The following PRKCA variants were observed in gnomAD, a reference collection of about 807,000 sequenced individuals.
PRKCA encodes protein kinase C alpha type.
In PRKCA, 27 loss-of-function variants were observed where a neutral mutation model predicts 87.0. The observed-to-expected ratio is 0.31, with a 90% CI of 0.23 to 0.43. PRKCA has a LOEUF of 0.43. Among genes scored for constraint, PRKCA ranks in the 20% least tolerant of loss-of-function variants. The pLI is 1.00. For missense variants in PRKCA, 518 were observed against 852.3 expected (o/e 0.61, Z 4.88); for synonymous variants, 329 against 311.1 (o/e 1.06, Z -0.61).
chr17:66,588,635 C>CTTTTTTTTT lies in PRKCA; in HGVS notation c.289-52701_289-52693dup, dbSNP rs397856363. Among the ~76,000 whole-genome samples, 17 of 39,106 alleles carry CTTTTTTTTT rather than the reference C, an allele frequency of 4.3e-4. 1 individual carries two copies. The highest frequency in any genetic ancestry group is 7.0e-4 in the African/African-American group (6 of 8,546). 25.7% of individuals were successfully genotyped at this position (39,106 alleles called of 152,430 possible). A position where few individuals can be genotyped will look rare whatever the true frequency, so the allele number is the denominator to read the frequency against. ...CTTTCTGAGGTTTTATTTTGCTTTGCTTTTTTTTTTTTTTTTTTTTTTTTT... is the reference window on the plus strand; with the variant it reads ...CTTTCTGAGGTTTTATTTTGCTTTGCTTTTTTTTTTTTTTTTTTTTTTTTTTTTTTTTTT... On this transcript the variant is annotated intron_variant, in intron 3 of 16. Transcript: ENST00000413366.
At chr17:66,587,230 A>G (rs147017220) in intron 3 of PRKCA, among the ~76,000 whole-genome samples, 28 of 152,198 alleles carry the variant, frequency 1.8e-4, no homozygotes, top group African/African-American at 6.5e-4. Flanking sequence ...ATTTTAAGTT[A>G]TTTTTTGGGG....
At chr17:66,641,084 G>A (rs61762393) in intron 3 of PRKCA, 60,680 of 347,910 alleles carry the variant, frequency 0.17, 6,316 homozygotes, top group East Asian at 0.28. Context: ...TTTGAACCCA[G>A]GAGGCGGAGG....
intron 16 of PRKCA, among the ~76,000 whole-genome samples, chr17:66,798,507 TGAC>T (rs1211425615): frequency 2.5e-5 from 1 of 39,848 alleles, no homozygotes; most frequent in Non-Finnish European, 4.4e-5. Context: ...GTGGTGGTGG[TGAC>T]GGTGGTGACG....
intron 2 of PRKCA, among the ~76,000 whole-genome samples, chr17:66,428,826 T>C (rs1912953178): frequency 6.6e-6 from 1 of 152,174 alleles, no homozygotes; most frequent in Admixed American, 6.5e-5. Flanking sequence ...AGGAGAAGGC[T>C]GCTACTCCTT....
chr17:66,803,418 A>T lies in PRKCA; in HGVS notation c.1855-455A>T, dbSNP rs2144442132. Among the ~76,000 whole-genome samples, 1 of 152,268 alleles carries T rather than the reference A, an allele frequency of 6.6e-6. No individual in the cohort carries two copies. The highest frequency in any genetic ancestry group is 1.9e-4 in the East Asian group (1 of 5,174). On this transcript the variant is annotated intron_variant, in intron 16 of 16. Coordinates refer to ENST00000413366, the MANE Select transcript of PRKCA (RefSeq NM_002737.3). The surrounding 1 kb of genome is among the most constrained non-coding windows in gnomAD (Gnocchi z 4.4). ...ACACAGTTTTTACTTCACTACAAAT[A>T]TTGCGGCAAAAAAACAGATGTGGGG...
intron 8 of PRKCA, among the ~76,000 whole-genome samples, chr17:66,711,820 A>G (rs1205917193): frequency 6.6e-5 from 10 of 152,184 alleles, no homozygotes; most frequent in Non-Finnish European, 1.5e-4. Flanking sequence ...ATGTTTTTAG[A>G]GTTTCTCATC....
chr17:66,775,830 C>A (rs779832679), intron 14 of PRKCA: 1 of 921,262 alleles, frequency 1.1e-6, no homozygotes, highest in South Asian at 5.0e-5. Context: ...TCCTTAACTT[C>A]GTGAAGCTTA....
intron 3 of PRKCA, among the ~76,000 whole-genome samples, chr17:66,511,026 A>G (rs1050228433): frequency 6.6e-6 from 1 of 152,032 alleles, no homozygotes; most frequent in Admixed American, 6.5e-5. Flanking sequence ...ATTTTAAAAC[A>G]TACAGATTAT....
At chr17:66,393,358 T>G (rs932584168) in intron 2 of PRKCA, among the ~76,000 whole-genome samples, 7 of 152,142 alleles carry the variant, frequency 4.6e-5, no homozygotes, top group Non-Finnish European at 8.8e-5. Flanking sequence ...CCAATCTGTG[T>G]CCCAGGGACT....
intron 5 of PRKCA, among the ~76,000 whole-genome samples, chr17:66,679,270 G>A (rs1285583390): frequency 2.8e-5 from 4 of 144,972 alleles, no homozygotes; most frequent in South Asian, 2.2e-4. Flanking sequence ...AAGCTCTGCC[G>A]CCCGGGTTCA....
intron 2 of PRKCA, among the ~76,000 whole-genome samples, chr17:66,467,362 A>G (rs1598697419): frequency 6.6e-6 from 1 of 152,300 alleles, no homozygotes; most frequent in Non-Finnish European, 1.5e-5. Context: ...ATAATGTGCT[A>G]TAACTGGCTG....
intron 13 of PRKCA, among the ~76,000 whole-genome samples, chr17:66,759,321 A>C (rs1032131103): frequency 6.6e-6 from 1 of 151,408 alleles, no homozygotes; most frequent in African/African-American, 2.4e-5. Flanking sequence ...GCGCCACTGC[A>C]CTCCAGCCTG....
At chr17:66,399,211 A>G (rs780492096) in intron 2 of PRKCA, among the ~76,000 whole-genome samples, 1 of 147,998 alleles carries the variant, frequency 6.8e-6, no homozygotes, top group Non-Finnish European at 1.5e-5. Flanking sequence ...TGATCCTCCC[A>G]TCTCAGCCTT....
chr17:66,753,615 C>T (rs935034257), intron 13 of PRKCA, among the ~76,000 whole-genome samples: 1 of 152,140 alleles, frequency 6.6e-6, no homozygotes, highest in Non-Finnish European at 1.5e-5. Flanking sequence ...GCCCCCACCC[C>T]ACAAATCCGT....
At chr17:66,630,164 A>C (rs1228840505) in intron 3 of PRKCA, among the ~76,000 whole-genome samples, 6 of 152,356 alleles carry the variant, frequency 3.9e-5, no homozygotes, top group African/African-American at 1.4e-4. Context: ...ATGGGCAAAG[A>C]AATACAATAT....
intron 3 of PRKCA, among the ~76,000 whole-genome samples, chr17:66,623,972 G>A (rs1383947896): frequency 1.3e-5 from 2 of 152,172 alleles, no homozygotes; most frequent in Admixed American, 6.5e-5. Context: ...CCTGACCAGG[G>A]CAGGGAGTAG....
chr17:66,479,189 A>G lies in PRKCA; in HGVS notation c.206-17012A>G, dbSNP rs372189489. 3.0e-3 allele frequency among the ~76,000 whole-genome samples: 464 copies of G among 152,334 alleles called. 3 individuals carry two copies. Among genetic ancestry groups the G allele is most frequent in the African/African-American group, 0.01 (419 of 41,578 alleles). On this transcript the variant is annotated intron_variant, in intron 2 of 16. Transcript: ENST00000413366. ...TTTACAAGAAAAAAACAACCCCCCAAAAAAGTGGGCAAAGACATGAAAAGA... is the reference window on the plus strand; with the variant it reads ...TTTACAAGAAAAAAACAACCCCCCAGAAAAGTGGGCAAAGACATGAAAAGA...
At position 66,689,153 on chromosome 17, in the gene PRKCA, C is replaced by A; in HGVS notation, c.918+106C>A. 1.6e-6 allele frequency: 1 copy of A among 631,930 alleles called. No individual in the cohort carries two copies. The highest frequency in any genetic ancestry group is 2.4e-5 in the South Asian group (1 of 42,524). The allele number at this position is 631,930 out of a possible 1,614,324, so 39.1% of individuals were successfully genotyped here. A position where few individuals can be genotyped will look rare whatever the true frequency, so the allele number is the denominator to read the frequency against. On this transcript the variant is annotated intron_variant, in intron 8 of 16. Transcript: ENST00000413366. The surrounding 1 kb of genome is among the most constrained non-coding windows in gnomAD (Gnocchi z 4.1). ...TTTTGAAAAGCAAAAAAAAAGTAAT[C>A]TCAATGTTAATGATCTTTTTCTTTA... is the stretch of plus-strand genomic sequence containing the variant.
chr17:66,477,844 A>G (rs1915599179), intron 2 of PRKCA, among the ~76,000 whole-genome samples: 1 of 152,216 alleles, frequency 6.6e-6, no homozygotes, highest in African/African-American at 2.4e-5. Context: ...TCATTGCCCC[A>G]GAAAGAAACC....
Sources: gnomAD v4.1 joint callset for allele counts (sites outside exome capture counted in the v4.1 genomes callset) on GRCh38, gnomAD v4.1.1 for gene constraint, Gnocchi (gnomAD v3.1) non-coding constraint, MANE v1.5 for transcripts, NCBI Gene and HGNC (gene_info 2026-07-23, HGNC 2026-07-21) for gene names.